Variants in DIAPH3 observed in about 807,000 individuals in gnomAD.
The protein encoded by DIAPH3 is diaphanous related formin 3.
A neutral mutation model predicts 144.3 loss-of-function variants in DIAPH3; 117 were observed. That is an observed-to-expected ratio of 0.81 (90% CI 0.70 to 0.95). DIAPH3 has a LOEUF of 0.95. Ranked by LOEUF, DIAPH3 falls within the 40% of genes least tolerant of loss-of-function variation. DIAPH3 has a pLI of 0.00. For synonymous variants in DIAPH3, 519 were observed against 488.9 expected (o/e 1.06, Z -0.81); for missense variants, 1,421 against 1,412.7 (o/e 1.01, Z -0.09).
At chr13:60,094,854 C>T (rs1021803601) in intron 3 of DIAPH3, among the ~76,000 whole-genome samples, 51 of 152,166 alleles carry the variant, frequency 3.4e-4, no homozygotes, top group African/African-American at 1.2e-3. Flanking sequence ...TTTGACACTA[C>T]GATAAAAGGT....
chr13:59,744,735 C>A (rs893672101), intron 27 of DIAPH3, among the ~76,000 whole-genome samples: 5 of 152,232 alleles, frequency 3.3e-5, no homozygotes, highest in African/African-American at 1.2e-4. Context: ...CTTTCTTTGG[C>A]CAGGAGTGGG....
chr13:60,014,758 T>TC (rs34565842), intron 7 of DIAPH3, among the ~76,000 whole-genome samples: 8 of 151,726 alleles, frequency 5.3e-5, no homozygotes, highest in African/African-American at 1.2e-4. Context: ...AGGTAAAATT[T>TC]CCCCCCCTGC....
Position 59,666,269 on chromosome 13 carries a change from C to G in DIAPH3, c.*315G>C, listed in dbSNP as rs2031998749. 1 of 240,926 alleles carries G rather than the reference C, an allele frequency of 4.2e-6. No homozygotes were observed. The highest frequency in any genetic ancestry group is 7.8e-6 in the Non-Finnish European group (1 of 127,886). 14.9% of individuals were successfully genotyped at this position (240,926 alleles called of 1,614,324 possible). A position where few individuals can be genotyped will look rare whatever the true frequency, so the allele number is the denominator to read the frequency against. On this transcript the variant is annotated 3_prime_UTR_variant, in exon 28 of 28. Transcript: ENST00000400324. ...GAAAGATGGTATTTTCTTAAGGACA[C>G]ACTGCTGAACACATGGCCACCTACC... is the stretch of plus-strand genomic sequence containing the variant.
chr13:59,833,040 GT>G, intron 24 of DIAPH3, 66 bp downstream of exon 24: 1 of 1,173,354 alleles, frequency 8.5e-7, no homozygotes, highest in East Asian at 2.6e-5. Flanking sequence ...GTAGAACGAT[GT>G]AATGAGATAA....
chr13:59,979,045 A>G (rs1309837262), intron 14 of DIAPH3, among the ~76,000 whole-genome samples: 2 of 151,710 alleles, frequency 1.3e-5, no homozygotes, highest in Admixed American at 1.3e-4. Flanking sequence ...AACTATCAGA[A>G]CAAAGTTTTT....
intron 5 of DIAPH3, 35 bp downstream of exon 5, chr13:60,042,655 C>A: frequency 6.2e-7 from 1 of 1,612,322 alleles, no homozygotes; most frequent in African/African-American, 1.3e-5. Context: ...ACATTAATGA[C>A]ATCTGCCCTG....
At chr13:60,100,320 A>G (rs2058234660) in intron 3 of DIAPH3, among the ~76,000 whole-genome samples, 1 of 152,222 alleles carries the variant, frequency 6.6e-6, no homozygotes, top group Admixed American at 6.5e-5. Flanking sequence ...ACAAGGAAAA[A>G]AAAAGTCAGG....
chr13:59,670,583 CTTT>C (rs1229739034), intron 27 of DIAPH3, among the ~76,000 whole-genome samples: 8 of 134,664 alleles, frequency 5.9e-5, no homozygotes, highest in Non-Finnish European at 4.9e-5. Flanking sequence ...TGGAAGTTCA[CTTT>C]TTTTTTTTTT....
At chr13:59,802,473 C>A (rs755645093) in intron 25 of DIAPH3, among the ~76,000 whole-genome samples, 51 of 149,770 alleles carry the variant, frequency 3.4e-4, no homozygotes, top group Non-Finnish European at 7.4e-4. Context: ...ATAAATATAT[C>A]AATTTTATCA....
intron 22 of DIAPH3, among the ~76,000 whole-genome samples, chr13:59,847,662 G>A (rs1250069322): frequency 6.6e-6 from 1 of 152,182 alleles, no homozygotes; most frequent in Non-Finnish European, 1.5e-5. Context: ...TAATGGTTCT[G>A]TGTACATGTA....
chr13:59,744,313 AAAT>A (rs927695502), intron 27 of DIAPH3, among the ~76,000 whole-genome samples: 10 of 152,172 alleles, frequency 6.6e-5, no homozygotes, highest in Admixed American at 5.9e-4. Flanking sequence ...TTATGAGTAG[AAAT>A]AATATCCACC....
chr13:60,025,546 A>G (rs2054322262), intron 5 of DIAPH3, among the ~76,000 whole-genome samples: 1 of 152,050 alleles, frequency 6.6e-6, no homozygotes. Flanking sequence ...TAAGAGGAGA[A>G]CCAAGTAAAC....
At chr13:59,980,055 G>A (rs1006811204) in intron 14 of DIAPH3, among the ~76,000 whole-genome samples, 28 of 151,572 alleles carry the variant, frequency 1.8e-4, no homozygotes, top group African/African-American at 6.8e-4. Flanking sequence ...ATATCCTACT[G>A]CTTAAGGTCA....
At chr13:60,108,625 A>C (rs550689215) in intron 3 of DIAPH3, among the ~76,000 whole-genome samples, 8 of 152,136 alleles carry the variant, frequency 5.3e-5, no homozygotes, top group African/African-American at 1.7e-4. Context: ...ATAAAAATTA[A>C]AAAATGAAGT....
At chr13:59,694,952 G>T (rs539413943) in intron 27 of DIAPH3, among the ~76,000 whole-genome samples, 1 of 152,196 alleles carries the variant, frequency 6.6e-6, no homozygotes, top group African/African-American at 2.4e-5. Flanking sequence ...TTTTAGACTT[G>T]TTAGTAAAAC....
chr13:59,821,846 G>A (rs1175768273), intron 24 of DIAPH3, among the ~76,000 whole-genome samples: 1 of 152,192 alleles, frequency 6.6e-6, no homozygotes, highest in African/African-American at 2.4e-5. Context: ...AATATGCGTT[G>A]CTATTAGTTG....
rs57544810 is a variant in DIAPH3 at position 59,689,790 on chromosome 13, AGT to A, written c.3320-22946_3320-22945del. On this transcript the variant is annotated intron_variant, in intron 27 of 27. Coordinates refer to ENST00000400324, the MANE Select transcript of DIAPH3 (RefSeq NM_001042517.2). ...ATTAAGAAAAAAAACTGTATTAAGCAGTGTGTGTGTGTGTGTGTGTATGTATG... is the reference window on the plus strand; with the variant it reads ...ATTAAGAAAAAAAACTGTATTAAGCAGTGTGTGTGTGTGTGTGTATGTATG... Among the ~76,000 whole-genome samples, 16 of 149,968 alleles carry A rather than the reference AGT, an allele frequency of 1.1e-4. No homozygotes were observed. The East Asian group carries it at 2.0e-3, about 19-fold the overall frequency.
At chr13:60,011,434 ATGAG>A (rs1227838655) in intron 7 of DIAPH3, among the ~76,000 whole-genome samples, 2 of 152,248 alleles carry the variant, frequency 1.3e-5, no homozygotes, top group African/African-American at 4.8e-5. Flanking sequence ...TGTAAACCAC[ATGAG>A]TAATTTAAAA....
intron 27 of DIAPH3, among the ~76,000 whole-genome samples, chr13:59,676,639 G>A (rs1228892827): frequency 6.6e-6 from 1 of 152,142 alleles, no homozygotes; most frequent in African/African-American, 2.4e-5. Context: ...TAATGAACAT[G>A]CAAAACAATA....
Sources: allele counts gnomAD v4.1 joint callset (sites outside exome capture counted in the v4.1 genomes callset), GRCh38; gene constraint gnomAD v4.1.1; transcripts MANE v1.5; gene names NCBI Gene and HGNC (gene_info 2026-07-23, HGNC 2026-07-21).